Variants in NIBAN2 observed in about 807,000 individuals in gnomAD.
NIBAN2 encodes the protein protein Niban 2.
Under a neutral mutation model 81.8 loss-of-function variants are expected in NIBAN2, and 36 were observed. The observed-to-expected ratio is 0.44, with a 90% CI of 0.34 to 0.58. NIBAN2 has a LOEUF of 0.58. NIBAN2 is among the 20% of genes least tolerant of loss of function. NIBAN2 has a pLI of 0.02. For missense variants in NIBAN2, 897 were observed against 1,014.1 expected (o/e 0.88, Z 1.57); for synonymous variants, 445 against 441.6 (o/e 1.01, Z -0.10).
At position 127,517,969 on chromosome 9, in the gene NIBAN2, G is replaced by A. The variant is rs774671324; in HGVS notation, c.590-28C>T. The A allele has an allele frequency of 2.0e-6, 3 of 1,503,662 alleles. No homozygotes were observed. The highest frequency in any genetic ancestry group is 2.7e-6 in the Non-Finnish European group (3 of 1,105,086). 93.1% of individuals were successfully genotyped at this position (1,503,662 alleles called of 1,614,324 possible). A position where few individuals can be genotyped will look rare whatever the true frequency, so the allele number is the denominator to read the frequency against. ...GCCCAGGAGACGGAGGGAGAGAGGA[G>A]GTCAGCAGATGGCCCAGTGGCCTCT... On this transcript the variant is annotated intron_variant, in intron 5 of 13. Coordinates refer to ENST00000373312, the MANE Select transcript of NIBAN2 (RefSeq NM_022833.4). This position sits in a 1 kb window ranked among gnomAD's most constrained non-coding sequence, Gnocchi z 4.0.
At chr9:127,558,262 G>A (rs1035278291) in intron 1 of NIBAN2, among the ~76,000 whole-genome samples, 1 of 152,150 alleles carries the variant, frequency 6.6e-6, no homozygotes, top group African/African-American at 2.4e-5. Context: ...ATAATTATAA[G>A]TTCTGCAGCC....
At position 127,568,769 on chromosome 9, in the gene NIBAN2, C is replaced by T. The variant is rs528254141; in HGVS notation, c.55+51G>A. Reference sequence around the variant, plus strand: ...CTGCTGGCCGGGGCGGGGGCGTGGTCCGGGGGTTCCGGCAGGCCCCTGGGC... The same window carrying T: ...CTGCTGGCCGGGGCGGGGGCGTGGTTCGGGGGTTCCGGCAGGCCCCTGGGC... On this transcript the variant is annotated intron_variant, in intron 1 of 13. Transcript: ENST00000373312. 4.0e-5 allele frequency: 50 copies of T among 1,246,088 alleles called. No homozygotes were observed. The South Asian group carries it at 1.3e-3, about 33-fold the overall frequency. The allele number at this position is 1,246,088 out of a possible 1,614,324, so 77.2% of individuals were successfully genotyped here.
rs767207598 is a variant in NIBAN2 at position 127,531,720 on chromosome 9, C to T, written c.114G>A (p.Val38=). 5 of 1,614,078 alleles carry T rather than the reference C, an allele frequency of 3.1e-6. No individual in the cohort carries two copies. The highest frequency in any genetic ancestry group is 2.5e-6 in the Non-Finnish European group (3 of 1,180,048). Residue 38 remains valine (V), a synonymous_variant, in exon 2 of 14, where the codon GTG becomes GTA. Transcript: ENST00000373312. ...CATGGCGCATGCTGTTGAAGAGAGC[C>T]ACGCCATACTGGTCTTCATAGAACT... ...FLQFYEDQYG[V]ALFNSMRHEI... is the part of the protein sequence containing the mutation.
intron 1 of NIBAN2, among the ~76,000 whole-genome samples, chr9:127,535,847 A>C (rs1837266275): frequency 1.3e-5 from 2 of 151,776 alleles, no homozygotes; most frequent in South Asian, 4.2e-4. Context: ...GGGGAGGAAT[A>C]GTGGGGGTTT....
chr9:127,561,526 C>A, intron 1 of NIBAN2, among the ~76,000 whole-genome samples: 1 of 152,202 alleles, frequency 6.6e-6, no homozygotes, highest in Admixed American at 6.5e-5. Flanking sequence ...AAGACTCAGA[C>A]AGGTTGACTA....
intron 1 of NIBAN2, among the ~76,000 whole-genome samples, chr9:127,566,678 T>C (rs1458994068): frequency 2.0e-5 from 3 of 152,112 alleles, no homozygotes; most frequent in Non-Finnish European, 2.9e-5. Flanking sequence ...CTCTGACATT[T>C]CTACTGGGGC....
At chr9:127,578,953 C>T in exon 1 of NIBAN2, 1 of 1,608,396 alleles carries the variant, frequency 6.2e-7, no homozygotes, top group Middle Eastern at 1.7e-4. Flanking sequence ...AGAGTGAGAG[C>T]CCCAAAAGGA....
chr9:127,542,655 T>C (rs111776495), intron 1 of NIBAN2, among the ~76,000 whole-genome samples: 1 of 152,116 alleles, frequency 6.6e-6, no homozygotes, highest in African/African-American at 2.4e-5. Flanking sequence ...CCACCGACAT[T>C]TCCCCCCCTG....
chr9:127,543,224 G>A (rs1259724850), intron 1 of NIBAN2, among the ~76,000 whole-genome samples: 1 of 152,222 alleles, frequency 6.6e-6, no homozygotes, highest in Non-Finnish European at 1.5e-5. Context: ...AAAAGGCACA[G>A]AACAGTTAGG....
rs774698523 is a variant in NIBAN2 at position 127,508,437 on chromosome 9, C to T, written c.1419G>A (p.Leu473=). Residue 473 remains leucine (L), a synonymous_variant, in exon 11 of 14, where the codon CTG becomes CTA. Transcript: ENST00000373312. This position sits in a 1 kb window ranked among gnomAD's most constrained non-coding sequence, Gnocchi z 6.4. ...GGCCGCTCACCTTCAGCACCCGCTC[C>T]AGGACCCGCTGGATGGACTTGCACA... ...EELCKSIQRV[L]ERVLKKYDYD... is the part of the protein sequence containing the mutation. 1.2e-6 allele frequency: 2 copies of T among 1,612,162 alleles called. No individual in the cohort carries two copies. The highest frequency in any genetic ancestry group is 1.7e-6 in the Non-Finnish European group (2 of 1,179,852).
upstream of NIBAN2, among the ~76,000 whole-genome samples, chr9:127,573,449 C>CTTT (rs11394598): frequency 0.42 from 60,701 of 146,118 alleles, 13,530 homozygotes; most frequent in Middle Eastern, 0.55. Flanking sequence ...GTTATTTGCC[C>CTTT]TTTTTTTTTT....
Position 127,527,304 on chromosome 9 carries a change from T to C in NIBAN2, c.205A>G (p.Ile69Val), listed in dbSNP as rs1837091595. The C allele has an allele frequency of 1.9e-6, 3 of 1,609,366 alleles. No homozygotes were observed. Among genetic ancestry groups the C allele is most frequent in the South Asian group, 1.1e-5 (1 of 90,950 alleles). Reference protein sequence around the residue: ...LWRKVPLDERIVFSGNLFQHQ... With the variant: ...LWRKVPLDERVVFSGNLFQHQ... ...TGGAAGAGGTTCCCCGAGAAGACGA[T>C]GCGCTCGTCCAGTGGCACCTGTGGG... is the stretch of plus-strand genomic sequence containing the variant. Residue 69 changes from isoleucine (I) to valine (V), a missense_variant, in exon 3 of 14, where the codon ATC becomes GTC. Transcript: ENST00000373312.
At chr9:127,539,431 G>A (rs1003518503) in intron 1 of NIBAN2, among the ~76,000 whole-genome samples, 12 of 152,162 alleles carry the variant, frequency 7.9e-5, no homozygotes, top group African/African-American at 2.9e-4. Flanking sequence ...AGGCTCAGAG[G>A]GCAAAGTGAC....
rs567944324 is a variant in NIBAN2, at chr9:127,546,146, C to T, written c.56-14368G>A. Among the ~76,000 whole-genome samples, 47 of 152,272 alleles carry T rather than the reference C, an allele frequency of 3.1e-4. 1 individual carries two copies. Among genetic ancestry groups the T allele is most frequent in the African/African-American group, 1.1e-3 (44 of 41,540 alleles). On this transcript the variant is annotated intron_variant, in intron 1 of 13. Coordinates refer to ENST00000373312, the MANE Select transcript of NIBAN2 (RefSeq NM_022833.4). ...ATCTATGACAGTGATTGTGTAGACA[C>T]GACCCTCCTTTCCTCTCACATGGAG...
chr9:127,570,290 T>C (rs1347729580), upstream of NIBAN2, among the ~76,000 whole-genome samples: 2 of 152,210 alleles, frequency 1.3e-5, no homozygotes, highest in Non-Finnish European at 2.9e-5. Flanking sequence ...ATTAAAGTGA[T>C]GCAGGCATTC....
intron 9 of NIBAN2, 56 bp from the exon 10 acceptor site, chr9:127,509,187 C>G: frequency 2.0e-6 from 3 of 1,515,438 alleles, no homozygotes; most frequent in Non-Finnish European, 1.8e-6. Flanking sequence ...CCAGGCAGCA[C>G]CCCCCACACA....
chr9:127,551,470 T>C (rs138191463), intron 1 of NIBAN2, among the ~76,000 whole-genome samples: 1,907 of 150,212 alleles, frequency 0.013, 20 homozygotes, highest in Non-Finnish European at 0.02. Flanking sequence ...TTGCAGTGAG[T>C]AGAGATTGCG....
Position 127,566,947 on chromosome 9 carries a change from C to T in NIBAN2, c.55+1873G>A, listed in dbSNP as rs181138278. ...CTCAGGTGAGTCTGGACCAGGAATT[C>T]GAGGCATTTAAAGAGGATTATAAAT... is the stretch of plus-strand genomic sequence containing the variant. On this transcript the variant is annotated intron_variant, in intron 1 of 13. Coordinates refer to ENST00000373312, the MANE Select transcript of NIBAN2 (RefSeq NM_022833.4). 3.5e-5 allele frequency among the ~76,000 whole-genome samples: 5 copies of T among 144,796 alleles called. No individual in the cohort carries two copies. In the East Asian group the frequency reaches 1.1e-3, roughly 33 times the overall value. 95.0% of individuals were successfully genotyped at this position (144,796 alleles called of 152,430 possible).
intron 1 of NIBAN2, among the ~76,000 whole-genome samples, chr9:127,565,374 C>A (rs571514642): frequency 1.3e-4 from 20 of 152,296 alleles, no homozygotes; most frequent in African/African-American, 4.8e-4. Context: ...TCTTTCCGGG[C>A]TGATGAAAAT....
Sources: gnomAD v4.1 joint callset for allele counts (sites outside exome capture counted in the v4.1 genomes callset) on GRCh38, gnomAD v4.1.1 for gene constraint, Gnocchi (gnomAD v3.1) non-coding constraint, MANE v1.5 for transcripts, NCBI Gene and HGNC (gene_info 2026-07-23, HGNC 2026-07-21) for gene names.